The following COL18A1 variants were observed in gnomAD, a reference collection of about 807,000 sequenced individuals.
The protein encoded by COL18A1 is collagen alpha-1(XVIII) chain.
COL18A1 carries 133 observed loss-of-function variants against 168.0 expected under a neutral mutation model. That is an observed-to-expected ratio of 0.79 (90% CI 0.69 to 0.91). COL18A1 has a LOEUF of 0.91. Among genes scored for constraint, COL18A1 ranks in the 40% least tolerant of loss-of-function variants. The probability of loss-of-function intolerance (pLI) is 0.00; values close to 1 mark genes in which losing one functional copy is unlikely to be tolerated. For synonymous variants in COL18A1, 949 were observed against 809.0 expected, an observed-to-expected ratio of 1.17 and a Z score of -2.94; for missense variants, 2,126 against 1,925.4, an observed-to-expected ratio of 1.10 and a Z score of -1.95.
At position 45,430,661 on chromosome 21, in the gene COL18A1, G is replaced by A. The variant is rs147285715; in HGVS notation, c.106+25188G>A. 2.2e-3 allele frequency among the ~76,000 whole-genome samples: 335 copies of A among 152,328 alleles called. 2 individuals are homozygous for A. The highest frequency in any genetic ancestry group is 6.6e-3 in the African/African-American group (275 of 41,570). On this transcript the variant is annotated intron_variant, in intron 2 of 41. Transcript: ENST00000651438. ...GGAAGCCCAAGAATGTGGAGATGGC[G>A]CGTCTCGGCCCGGGGTCTCGTGGCT...
intron 12 of COL18A1, 76 bp downstream of exon 12, chr21:45,480,596 G>A: frequency 1.2e-6 from 2 of 1,613,568 alleles, no homozygotes; most frequent in South Asian, 1.1e-5. Context: ...CCAAGATTCA[G>A]CTGGGGTCCT....
chr21:45,416,940 T>G (rs1230401310), intron 2 of COL18A1, among the ~76,000 whole-genome samples: 1 of 152,208 alleles, frequency 6.6e-6, no homozygotes, highest in Non-Finnish European at 1.5e-5. Context: ...GCTTTCAGTG[T>G]CAGGTATGTT....
chr21:45,486,833 C>G, intron 15 of COL18A1, 28 bp from the exon 16 acceptor site: 1 of 1,527,788 alleles, frequency 6.5e-7, no homozygotes, highest in Non-Finnish European at 8.8e-7. Context: ...TGGGCTGGGT[C>G]CTGACACGCT....
chr21:45,438,451 C>T (rs939393180), intron 2 of COL18A1, among the ~76,000 whole-genome samples: 3 of 152,372 alleles, frequency 2.0e-5, no homozygotes, highest in South Asian at 2.1e-4. Flanking sequence ...TGGAGCTCAT[C>T]CCTGGGTGCC....
In COL18A1 at chr21:45,466,455, T is replaced by C. The variant is rs186084506; in HGVS notation, c.107-1787T>C. Among the ~76,000 whole-genome samples, 3 of 152,160 alleles carry C rather than the reference T, an allele frequency of 2.0e-5. No homozygotes were observed. The East Asian group carries it at 5.8e-4, about 29-fold the overall frequency. On this transcript the variant is annotated intron_variant, in intron 2 of 41. Transcript: ENST00000651438. ...GGCCGCCCCACCATACCCAGGAAGGTTGAGCTCTCGCACCCGGGAAGGCTG... is the reference window on the plus strand; with the variant it reads ...GGCCGCCCCACCATACCCAGGAAGGCTGAGCTCTCGCACCCGGGAAGGCTG...
At chr21:45,421,319 C>T (rs760406507) in intron 2 of COL18A1, 19 of 468,614 alleles carry the variant, frequency 4.1e-5, no homozygotes, top group South Asian at 1.1e-4. Flanking sequence ...GCCACGGTCA[C>T]GCTTGCACGG....
chr21:45,479,841 G>A (rs1374736966), intron 9 of COL18A1, 61 bp from the exon 10 acceptor site: 2 of 1,608,886 alleles, frequency 1.2e-6, no homozygotes, highest in Non-Finnish European at 1.7e-6. Flanking sequence ...AGCACTGAGA[G>A]TGCTGGGTGC....
intron 2 of COL18A1, among the ~76,000 whole-genome samples, chr21:45,447,706 G>T (rs1420707460): frequency 1.3e-5 from 2 of 152,098 alleles, no homozygotes; most frequent in Non-Finnish European, 2.9e-5. Flanking sequence ...GAACAAAATC[G>T]GGGGACCTCT....
chr21:45,494,935 A>G lies in COL18A1; in HGVS notation c.2433+20A>G, dbSNP rs1219580480. 1 of 1,605,478 alleles carries G rather than the reference A, an allele frequency of 6.2e-7. No individual in the cohort carries two copies. Among genetic ancestry groups the G allele is most frequent in the Non-Finnish European group, 8.5e-7 (1 of 1,176,026 alleles). On this transcript the variant is annotated intron_variant, in intron 28 of 41. Coordinates refer to ENST00000651438, the MANE Select transcript of COL18A1 (RefSeq NM_001379500.1). ...CGGCCGGTGAGGACCTGGGGTCTCC[A>G]GTGGGGGCGGCAGATGGGGTCTGGC... is the stretch of plus-strand genomic sequence containing the variant.
chr21:45,438,825 A>C (rs1368640452), intron 2 of COL18A1, among the ~76,000 whole-genome samples: 1 of 152,244 alleles, frequency 6.6e-6, no homozygotes, highest in Non-Finnish European at 1.5e-5. Context: ...TGCAGCCGGA[A>C]GGAAGAAAGT....
At position 45,504,475 on chromosome 21, in the gene COL18A1, C is replaced by T. The variant is rs11544971; in HGVS notation, c.2787C>T (p.Gly929=). The part of the protein sequence containing the change: ...GQKGERGEPG[G]GGFFGSSLPG... ...AAGGCGAAAGGGGGGAGCCCGGGGG[C>T]GGCGGTTTCTTCGGCTCCAGCCTGC... Residue 929 remains glycine (G), a synonymous_variant, in exon 34 of 42, where the codon GGC becomes GGT. Transcript: ENST00000651438. The T allele has an allele frequency of 0.016, 25,554 of 1,606,552 alleles. 238 individuals are homozygous for T. The highest frequency in any genetic ancestry group is 0.018 in the Non-Finnish European group (20,771 of 1,177,244).
intron 2 of COL18A1, among the ~76,000 whole-genome samples, chr21:45,434,283 G>A (rs184652009): frequency 1.7e-3 from 259 of 152,286 alleles, no homozygotes; most frequent in African/African-American, 6.0e-3. Flanking sequence ...CAGGGCCACA[G>A]CATTTCTGCC....
chr21:45,447,699 C>G (rs1045725194), intron 2 of COL18A1, among the ~76,000 whole-genome samples: 2 of 152,140 alleles, frequency 1.3e-5, no homozygotes, highest in Non-Finnish European at 2.9e-5. Flanking sequence ...TGGAGAAGAA[C>G]AAAATCGGGG....
intron 5 of COL18A1, 45 bp downstream of exon 5, chr21:45,475,580 A>G (rs2035617440): frequency 1.3e-6 from 2 of 1,543,414 alleles, no homozygotes; most frequent in Non-Finnish European, 1.8e-6. Context: ...GGGTCCCGGG[A>G]GAGCCCCTCC....
In COL18A1 at chr21:45,505,183, A is replaced by C; in HGVS notation, c.2918A>C (p.Gln973Pro). The C allele has an allele frequency of 6.2e-7, 1 of 1,606,000 alleles. No homozygotes were observed. The highest frequency in any genetic ancestry group is 8.5e-7 in the Non-Finnish European group (1 of 1,177,264). Reference protein sequence around the residue: ...IRGQPGPPGPQGPPGIGYEGR... With the variant: ...IRGQPGPPGPPGPPGIGYEGR... Reference sequence around the variant, plus strand: ...GGCCAGCCCGGCCCACCTGGACCTCAGGGACCCCCCGGCATCGGCTACGAG... The same window carrying C: ...GGCCAGCCCGGCCCACCTGGACCTCCGGGACCCCCCGGCATCGGCTACGAG... Residue 973 changes from glutamine (Q) to proline (P), a missense_variant, in exon 35 of 42, where the codon CAG becomes CCG. Physicochemically the swap from Gln to Pro is moderately conservative, Grantham distance 76. Transcript: ENST00000651438.
chr21:45,479,969 G>C lies in COL18A1; in HGVS notation c.1311+5G>C, dbSNP rs200610309. 405 of 1,613,882 alleles carry C rather than the reference G, an allele frequency of 2.5e-4. No homozygotes were observed. Among genetic ancestry groups the C allele is most frequent in the Middle Eastern group, 1.8e-3 (11 of 6,060 alleles). On this transcript the variant is annotated splice_donor_5th_base_variant and intron_variant, in intron 10 of 41. Transcript: ENST00000651438. ...GTAGGTCCCAAGGGCGACAAGGTGA[G>C]TCTCCGTGGCTGGGTGGGGCCCCTT...
chr21:45,486,718 G>A (rs1042264630), intron 15 of COL18A1, 143 bp from the exon 16 acceptor site: 1 of 834,980 alleles, frequency 1.2e-6, no homozygotes, highest in South Asian at 1.7e-5. Flanking sequence ...GGCTGCTGTG[G>A]GGCCTGCGTT....
At position 45,475,492 on chromosome 21, in the gene COL18A1, G is replaced by A; in HGVS notation, c.755G>A (p.Gly252Asp). The A allele has an allele frequency of 6.2e-7, 1 of 1,605,718 alleles. No homozygotes were observed. ...DDSDGASGDS[G>D]SGLGDARELL... is the part of the protein sequence containing the mutation. ...ACTCCTCAGGCATCCGGAGACTCTG[G>A]CAGCGGGCTCGGGGACGCCCGGGAG... Residue 252 changes from glycine (G) to aspartate (D), a missense_variant, in exon 5 of 42, where the codon GGC (glycine) becomes GAC (aspartate). Coordinates refer to ENST00000651438, the MANE Select transcript of COL18A1 (RefSeq NM_001379500.1).
chr21:45,506,186 C>T, intron 37 of COL18A1: 1 of 622,002 alleles, frequency 1.6e-6, no homozygotes, highest in South Asian at 1.8e-5. Flanking sequence ...AGTGGATGAA[C>T]ACATGGCGTG....
Sources: allele counts gnomAD v4.1 joint callset (sites outside exome capture counted in the v4.1 genomes callset), GRCh38; gene constraint gnomAD v4.1.1; transcripts MANE v1.5; gene names NCBI Gene and HGNC (gene_info 2026-07-23, HGNC 2026-07-21).